Variants in ARHGAP17 observed in about 807,000 individuals in gnomAD.
The protein encoded by ARHGAP17 is Rho GTPase activating protein 17, also known as rho GTPase-activating protein 17.
Under a neutral mutation model 99.5 loss-of-function variants are expected in ARHGAP17, and 57 were observed. That is an observed-to-expected ratio of 0.57 (90% CI 0.46 to 0.71). The LOEUF (loss-of-function observed/expected upper bound fraction) is 0.71. Ranked by LOEUF, ARHGAP17 falls within the 30% of genes least tolerant of loss-of-function variation. The pLI, the probability that ARHGAP17 is intolerant of heterozygous loss-of-function variation, is 0.00. For synonymous variants in ARHGAP17, 417 were observed against 429.6 expected, an observed-to-expected ratio of 0.97 and a Z score of 0.36; for missense variants, 1,000 against 1,122.4, an observed-to-expected ratio of 0.89 and a Z score of 1.56.
At chr16:24,951,884 C>T (rs1181492612) in intron 12 of ARHGAP17, among the ~76,000 whole-genome samples, 2 of 152,138 alleles carry the variant, frequency 1.3e-5, no homozygotes, top group African/African-American at 2.4e-5. Context: ...GCCCCTAATC[C>T]CCATGCTGTT....
intron 10 of ARHGAP17, 57 bp from the exon 11 acceptor site, chr16:24,953,099 T>G: frequency 2.0e-6 from 3 of 1,498,190 alleles, no homozygotes; most frequent in Non-Finnish European, 2.8e-6. Context: ...TCAGACTAAG[T>G]GGCAGTGTGT....
rs1334096674 is a variant in ARHGAP17 at position 24,964,279 on chromosome 16, G to A, written c.491C>T (p.Thr164Ile). 6.2e-7 allele frequency: 1 copy of A among 1,613,682 alleles called. No homozygotes were observed. Reference sequence around the variant, plus strand: ...TTTTGATGGAAGCCCCTGAAAGTTGGTTCCTGAGGATTTGTGAGCTTGGTT... The same window carrying A: ...TTTTGATGGAAGCCCCTGAAAGTTGATTCCTGAGGATTTGTGAGCTTGGTT... ...RWNQAHKSSG[T>I]NFQGLPSKID... The change falls in exon 7 of 20, where the codon ACC (threonine) becomes ATC (isoleucine). Residue 164 changes from threonine (T) to isoleucine (I), a missense_variant. Transcript: ENST00000289968.
rs1177614713 is a variant in ARHGAP17 at position 24,950,836 on chromosome 16, C to CAAAAAAAAAAAAAAAAAA, written c.1047-1370_1047-1353dup. 2.7e-3 allele frequency among the ~76,000 whole-genome samples: 108 copies of CAAAAAAAAAAAAAAAAAA among 39,410 alleles called. 4 individuals carry two copies. The highest frequency in any genetic ancestry group is 9.7e-3 in the African/African-American group (92 of 9,520). 25.9% of individuals were successfully genotyped at this position (39,410 alleles called of 152,430 possible). On this transcript the variant is annotated intron_variant, in intron 12 of 19. Coordinates refer to ENST00000289968, the MANE Select transcript of ARHGAP17 (RefSeq NM_001006634.3). Reference sequence around the variant, plus strand: ...TGGGCGACAGAGTGGGACTCCAACTCAAAAAAAAAAAAAAAAAAAAAAGAA... The same window carrying CAAAAAAAAAAAAAAAAAA: ...TGGGCGACAGAGTGGGACTCCAACTCAAAAAAAAAAAAAAAAAAAAAAAAAAAAAAAAAAAAAAAAGAA...
chr16:24,939,704 C>A (rs1370713965), intron 16 of ARHGAP17, 107 bp from the exon 17 acceptor site: 6 of 1,212,776 alleles, frequency 4.9e-6, no homozygotes, highest in Non-Finnish European at 7.1e-6. Context: ...GCCACCCAAG[C>A]TGCCCGGCAT....
At chr16:24,972,296 G>A (rs886188659) in intron 3 of ARHGAP17, among the ~76,000 whole-genome samples, 3 of 152,202 alleles carry the variant, frequency 2.0e-5, no homozygotes, top group Admixed American at 6.5e-5. Flanking sequence ...AATTTTGACC[G>A]TGTAAATGTA....
At chr16:24,952,802 C>A (rs2051683008) in intron 11 of ARHGAP17, 129 bp downstream of exon 11, 1 of 752,240 alleles carries the variant, frequency 1.3e-6, no homozygotes, top group Non-Finnish European at 2.3e-6. Flanking sequence ...GGAATTGTAG[C>A]AAGAGCCACT....
chr16:24,988,267 AT>A (rs751009974), intron 1 of ARHGAP17, among the ~76,000 whole-genome samples: 3 of 152,166 alleles, frequency 2.0e-5, no homozygotes, highest in Non-Finnish European at 4.4e-5. Flanking sequence ...AAATGAAGCA[AT>A]TTGTTATACC....
intron 9 of ARHGAP17, 131 bp downstream of exon 9, chr16:24,959,540 G>GA (rs1273194954): frequency 9.8e-6 from 8 of 813,202 alleles, no homozygotes; most frequent in Non-Finnish European, 1.5e-5. Flanking sequence ...ATTATGCTGG[G>GA]AAACAGTACC....
chr16:24,992,262 T>C (rs1279849022), intron 1 of ARHGAP17, among the ~76,000 whole-genome samples: 1 of 152,226 alleles, frequency 6.6e-6, no homozygotes, highest in Non-Finnish European at 1.5e-5. Flanking sequence ...TGTGGATATC[T>C]AGACGAGAGA....
At chr16:25,007,612 C>T (rs914507244) in intron 1 of ARHGAP17, among the ~76,000 whole-genome samples, 1 of 152,156 alleles carries the variant, frequency 6.6e-6, no homozygotes, top group Non-Finnish European at 1.5e-5. Flanking sequence ...GTGATCCTCC[C>T]ACCTCAGCCT....
chr16:24,920,370 G>T (rs55808472), intron 19 of ARHGAP17, 110 bp from the exon 20 acceptor site: 3 of 1,375,962 alleles, frequency 2.2e-6, no homozygotes, highest in East Asian at 4.7e-5. Context: ...GTCAGCCCAT[G>T]CACACAGGGT....
At chr16:24,952,464 CG>C in intron 11 of ARHGAP17, 94 bp from the exon 12 acceptor site, 2 of 934,048 alleles carry the variant, frequency 2.1e-6, no homozygotes, top group Non-Finnish European at 3.3e-6. Context: ...ATCTCAATAA[CG>C]ATCTTCCAAG....
intron 1 of ARHGAP17, among the ~76,000 whole-genome samples, chr16:25,014,498 T>A (rs1441856613): frequency 6.6e-6 from 1 of 152,238 alleles, no homozygotes; most frequent in East Asian, 1.9e-4. Context: ...TAAAGAAGCA[T>A]TTGTTTCCAA....
At chr16:24,949,137 C>T (rs1235794570) in intron 13 of ARHGAP17, 9 of 311,600 alleles carry the variant, frequency 2.9e-5, no homozygotes, top group Non-Finnish European at 4.7e-5. Flanking sequence ...AAACTTTTCA[C>T]AAGAAATTTA....
At chr16:24,939,908 C>T (rs1597377472) in intron 16 of ARHGAP17, 2 of 367,326 alleles carry the variant, frequency 5.4e-6, no homozygotes, top group East Asian at 1.5e-4. Flanking sequence ...ACTTCCTCTG[C>T]TGTTTTTTTC....
chr16:24,927,239 G>A (rs2050867032), intron 19 of ARHGAP17, among the ~76,000 whole-genome samples: 1 of 152,196 alleles, frequency 6.6e-6, no homozygotes, highest in South Asian at 2.1e-4. Context: ...CGTATATTAA[G>A]AACTGTAACT....
At chr16:24,960,082 A>G (rs1236068770) in intron 7 of ARHGAP17, 103 bp from the exon 8 acceptor site, 1 of 1,091,064 alleles carries the variant, frequency 9.2e-7, no homozygotes, top group East Asian at 2.4e-5. Context: ...AGTGATGGAA[A>G]GCACCACAGA....
In ARHGAP17 at chr16:24,919,948, A is replaced by C; in HGVS notation, c.*182T>G. The C allele has an allele frequency of 1.3e-6, 1 of 771,206 alleles. No homozygotes were observed. Among genetic ancestry groups the C allele is most frequent in the Admixed American group, 2.9e-5 (1 of 34,308 alleles). The allele number at this position is 771,206 out of a possible 1,614,324, so 47.8% of individuals were successfully genotyped here. On this transcript the variant is annotated 3_prime_UTR_variant, in exon 20 of 20. Transcript: ENST00000289968. The stretch of plus-strand genomic sequence containing the variant: ...AACTTCTTCAAGACACAGGTCATTC[A>C]GCTTTAGTGGTGGCCTCCAGGTTCT...
chr16:24,930,550 C>T (rs576701656), intron 19 of ARHGAP17: 3 of 787,888 alleles, frequency 3.8e-6, no homozygotes, highest in African/African-American at 1.7e-5. Context: ...TTGGTCACGA[C>T]TACCCAGCTC....
Sources: gnomAD v4.1 joint callset for allele counts (sites outside exome capture counted in the v4.1 genomes callset) on GRCh38, gnomAD v4.1.1 for gene constraint, MANE v1.5 for transcripts, NCBI Gene and HGNC (gene_info 2026-07-23, HGNC 2026-07-21) for gene names.